MVD: variants seen among roughly 807,000 people sequenced by gnomAD.
MVD encodes the protein mevalonate diphosphate decarboxylase.
MVD carries 52 observed loss-of-function variants against 42.4 expected under a neutral mutation model. The ratio of observed to expected loss-of-function variants is 1.23; its 90% CI spans 0.98 to 1.55. The LOEUF (loss-of-function observed/expected upper bound fraction) is 1.55, where lower values mean the gene tolerates loss of function less well. MVD is among the 40% of genes most tolerant of loss of function. MVD has a pLI of 0.00. For missense variants in MVD, 663 were observed against 572.1 expected (o/e 1.16, Z -1.62); for synonymous variants, 287 against 243.2 (o/e 1.18, Z -1.68).
chr16:88,656,114 G>A lies in MVD; in HGVS notation c.594C>T (p.Leu198=), dbSNP rs775920473. The change falls in exon 5 of 10, where the codon CTC becomes CTT. Residue 198 remains leucine, a synonymous_variant. Coordinates refer to ENST00000301012, the MANE Select transcript of MVD (RefSeq NM_002461.3). ...PESHWPELRV[L]ILVVSAEKKL... is the part of the protein sequence containing the mutation. The stretch of plus-strand genomic sequence containing the variant: ...GCCCCACCCCACTCACCACAAGGAT[G>A]AGCACGCGGAGTTCAGGCCAGTGTG... 2.1e-5 allele frequency: 33 copies of A among 1,599,636 alleles called. No homozygotes were observed. Among genetic ancestry groups the A allele is most frequent in the Admixed American group, 1.2e-4 (7 of 59,942 alleles).
At chr16:88,652,897 T>C (rs1295859201) in intron 9 of MVD, among the ~76,000 whole-genome samples, 1 of 151,984 alleles carries the variant, frequency 6.6e-6, no homozygotes, top group Non-Finnish European at 1.5e-5. Context: ...GGCAATGGCT[T>C]GGGCGGCCGT....
In MVD at chr16:88,654,693, T is replaced by G; in HGVS notation, c.1012A>C (p.Thr338Pro). 1 of 1,596,392 alleles carries G rather than the reference T, an allele frequency of 6.3e-7. No individual in the cohort carries two copies. Among genetic ancestry groups the G allele is most frequent in the Non-Finnish European group, 8.5e-7 (1 of 1,174,420 alleles). The change falls in exon 8 of 10, where the codon ACG becomes CCG. Residue 338 changes from threonine to proline, a missense_variant and splice_region_variant. Thr to Pro is a conservative substitution (Grantham distance 38). Coordinates refer to ENST00000301012, the MANE Select transcript of MVD (RefSeq NM_002461.3). The part of the protein sequence containing the change: ...HGFPPGSNGD[T>P]FLKGLQVRPA... ...AGGAGGGGCGGGGTCCACACTCACG[T>G]GTCTCCATTCGAGCCTGGGGGAAAG...
At chr16:88,655,047 C>A in intron 7 of MVD, 152 bp downstream of exon 7, 1 of 1,031,862 alleles carries the variant, frequency 9.7e-7, no homozygotes. Flanking sequence ...AACAGAAGAA[C>A]CCAGATGGTC....
intron 9 of MVD, among the ~76,000 whole-genome samples, chr16:88,652,949 G>A (rs1007998671): frequency 6.6e-6 from 1 of 152,112 alleles, no homozygotes; most frequent in Admixed American, 6.5e-5. Flanking sequence ...AGGTCAGAGG[G>A]CAGGAACTCC....
At chr16:88,653,277 A>C in intron 9 of MVD, 23 bp downstream of exon 9, 1 of 1,574,404 alleles carries the variant, frequency 6.4e-7, no homozygotes, top group Non-Finnish European at 8.6e-7. Context: ...ACCCCGGGGT[A>C]CTGGGTGAGC....
At position 88,655,507 on chromosome 16, in the gene MVD, C is replaced by T. The variant is rs550435269; in HGVS notation, c.679-90G>A. On this transcript the variant is annotated intron_variant, in intron 6 of 9. Transcript: ENST00000301012. ...AGACTCCGGGGTTGGAGGCCCGGCTCGAGCCCCATCTCTGCATTTGGCTCC... is the reference window on the plus strand; with the variant it reads ...AGACTCCGGGGTTGGAGGCCCGGCTTGAGCCCCATCTCTGCATTTGGCTCC... The T allele has an allele frequency of 1.8e-5, 27 of 1,511,044 alleles. No homozygotes were observed. The South Asian group carries it at 1.8e-4, about 10-fold the overall frequency. 93.6% of individuals were successfully genotyped at this position (1,511,044 alleles called of 1,614,324 possible).
chr16:88,651,949 G>T lies in MVD; in HGVS notation c.*576C>A. On this transcript the variant is annotated 3_prime_UTR_variant, in exon 10 of 10. Transcript: ENST00000301012. ...AACGGCGGAGGCCGGAGGCAGCAATGCTGGTTTATTCCCCATGGCCACCGG... is the reference window on the plus strand; with the variant it reads ...AACGGCGGAGGCCGGAGGCAGCAATTCTGGTTTATTCCCCATGGCCACCGG... The T allele has an allele frequency of 5.9e-6, 1 of 168,206 alleles. No homozygotes were observed. Among genetic ancestry groups the T allele is most frequent in the Middle Eastern group, 2.9e-3 (1 of 350 alleles). 10.4% of individuals were successfully genotyped at this position (168,206 alleles called of 1,614,324 possible).
rs1907606574 is a variant in MVD at position 88,652,173 on chromosome 16, ACCACCT to A, written c.*346_*351del. 2.5e-6 allele frequency: 1 copy of A among 403,166 alleles called. No individual in the cohort carries two copies. Among genetic ancestry groups the A allele is most frequent in the Non-Finnish European group, 4.6e-6 (1 of 216,070 alleles). The allele number at this position is 403,166 out of a possible 1,614,324, so 25.0% of individuals were successfully genotyped here. ...ACCCCTTCCCTGGTCCGCTGGAGGGACCACCTCCCCACTGAGCTCCTTTCTCAGAGA... is the reference window on the plus strand; with the variant it reads ...ACCCCTTCCCTGGTCCGCTGGAGGGACCCCACTGAGCTCCTTTCTCAGAGA... On this transcript the variant is annotated 3_prime_UTR_variant, in exon 10 of 10. Coordinates refer to ENST00000301012, the MANE Select transcript of MVD (RefSeq NM_002461.3).
intron 1 of MVD, among the ~76,000 whole-genome samples, chr16:88,659,990 A>G (rs1450494303): frequency 1.3e-5 from 2 of 151,408 alleles, no homozygotes; most frequent in African/African-American, 2.4e-5. Flanking sequence ...AAAAAAAAAA[A>G]AGAAAAGAAA....
chr16:88,662,951 C>A, intron 1 of MVD, 60 bp downstream of exon 1: 1 of 1,557,894 alleles, frequency 6.4e-7, no homozygotes, highest in Non-Finnish European at 8.7e-7. Context: ...AGCGCGCGAC[C>A]CCCGCGTACC....
At chr16:88,658,755 T>TGGG in intron 1 of MVD, 35 bp from the exon 2 acceptor site, 1 of 1,512,712 alleles carries the variant, frequency 6.6e-7, no homozygotes. Flanking sequence ...CCGGTGGGCT[T>TGGG]CCCGGCCCAC....
At chr16:88,652,937 G>A (rs55815410) in intron 9 of MVD, among the ~76,000 whole-genome samples, 2,887 of 152,250 alleles carry the variant, frequency 0.019, 76 homozygotes, top group African/African-American at 0.061. Flanking sequence ...GGCCCTCGGA[G>A]CAGGTCAGAG....
chr16:88,654,851 A>G (rs2142895183), intron 7 of MVD, 44 bp from the exon 8 acceptor site: 1 of 1,513,144 alleles, frequency 6.6e-7, no homozygotes, highest in Admixed American at 2.2e-5. Flanking sequence ...GTGGTGCCTG[A>G]CCCTTGTCTC....
chr16:88,655,349 G>T lies in MVD; in HGVS notation c.747C>A (p.Phe249Leu). ...EMARCIRERD[F>L]PSFAQLTMKD... ...TCATGGTCAGCTGGGCGAAGCTGGG[G>T]AAGTCTCGCTCCCGGATGCAGCGGG... Residue 249 changes from phenylalanine to leucine, a missense_variant, in exon 7 of 10, where the codon TTC becomes TTA. By Grantham distance (22) the Phe-to-Leu change is conservative (BLOSUM62 0). Coordinates refer to ENST00000301012, the MANE Select transcript of MVD (RefSeq NM_002461.3). The T allele has an allele frequency of 1.9e-6, 3 of 1,602,722 alleles. No homozygotes were observed. The highest frequency in any genetic ancestry group is 2.6e-6 in the Non-Finnish European group (3 of 1,175,166).
Position 88,654,760 on chromosome 16 carries a change from C to T in MVD, c.945G>A (p.Leu315=). The change falls in exon 8 of 10, where the codon CTG becomes CTA. Residue 315 remains leucine, a synonymous_variant. Transcript: ENST00000301012. ...CCACAAACTCAGCCACAGTGTCGTC[C>T]AGGGTGAAGATCACGGCATTGGGGC... ...DAGPNAVIFT[L]DDTVAEFVAA... 1.9e-6 allele frequency: 3 copies of T among 1,600,850 alleles called. No homozygotes were observed. Among genetic ancestry groups the T allele is most frequent in the Non-Finnish European group, 2.6e-6 (3 of 1,175,832 alleles).
intron 9 of MVD, 43 bp downstream of exon 9, chr16:88,653,257 A>AACCCC: frequency 6.6e-7 from 1 of 1,519,092 alleles, no homozygotes; most frequent in Non-Finnish European, 8.9e-7. Context: ...CCCCCCTGGC[A>AACCCC]GGAAAGGAAA....
At position 88,656,277 on chromosome 16, in the gene MVD, A is replaced by G; in HGVS notation, c.431T>C (p.Val144Ala). Reference sequence around the variant, plus strand: ...AGCCACTTCTGAGAGGTCACTCTCCACGCCGTAGACACGGGCCAGGGTGTA... The same window carrying G: ...AGCCACTTCTGAGAGGTCACTCTCCGCGCCGTAGACACGGGCCAGGGTGTA... ...LAYTLARVYG[V>A]ESDLSEVARR... is the part of the protein sequence containing the mutation. Residue 144 changes from valine to alanine, a missense_variant, in exon 5 of 10, where the codon GTG becomes GCG. By Grantham distance (64) the Val-to-Ala change is moderately conservative. Coordinates refer to ENST00000301012, the MANE Select transcript of MVD (RefSeq NM_002461.3). 2 of 1,599,896 alleles carry G rather than the reference A, an allele frequency of 1.3e-6. No individual in the cohort carries two copies. The highest frequency in any genetic ancestry group is 1.7e-6 in the Non-Finnish European group (2 of 1,179,910).
Position 88,657,951 on chromosome 16 carries a change from C to T in MVD, c.220G>A (p.Val74Met). 3.1e-6 allele frequency: 5 copies of T among 1,613,858 alleles called. No individual in the cohort carries two copies. The highest frequency in any genetic ancestry group is 4.2e-6 in the Non-Finnish European group (5 of 1,180,038). ...CAGGCCTGCAGCCGCGGCTGCCCCA[C>T]ATCCTCCTCCCGGCCATTCAGCCAA... ...RIWLNGREED[V>M]GQPRLQACLR... The change falls in exon 3 of 10, where the codon GTG becomes ATG. Residue 74 changes from valine to methionine, a missense_variant. Coordinates refer to ENST00000301012, the MANE Select transcript of MVD (RefSeq NM_002461.3).
chr16:88,658,322 T>C (rs1325361830), intron 2 of MVD, among the ~76,000 whole-genome samples: 1 of 152,166 alleles, frequency 6.6e-6, no homozygotes, highest in East Asian at 1.9e-4. Flanking sequence ...TGGGGGCACA[T>C]GTGTGCTGTG....
Sources: gnomAD v4.1 joint callset for allele counts (sites outside exome capture counted in the v4.1 genomes callset) on GRCh38, gnomAD v4.1.1 for gene constraint, MANE v1.5 for transcripts, NCBI Gene and HGNC (gene_info 2026-07-23, HGNC 2026-07-21) for gene names.